PRH1: variants seen among roughly 807,000 people sequenced by gnomAD.
The protein encoded by PRH1 is salivary acidic proline-rich phosphoprotein 1/2.
In PRH1, 7 loss-of-function variants were observed where a neutral mutation model predicts 7.9. The observed-to-expected ratio is 0.89, with a 90% CI of 0.50 to 1.67. The LOEUF (loss-of-function observed/expected upper bound fraction) is 1.67. Among genes scored for constraint, PRH1 ranks in the 40% most tolerant of loss-of-function variants. The pLI is 0.00. For synonymous variants in PRH1, 45 were observed against 80.8 expected (o/e 0.56, Z 2.38); for missense variants, 109 against 223.6 (o/e 0.49, Z 3.27).
At chr12:11,096,367 T>A (rs1458422761) in intron 1 of PRH1, among the ~76,000 whole-genome samples, 1 of 116,542 alleles carries the variant, frequency 8.6e-6, no homozygotes, top group Non-Finnish European at 2.0e-5. Context: ...ACCCTTTTTT[T>A]TGTCTTATTG....
At chr12:10,919,849 A>AT (rs1280380022) in intron 2 of PRH1, among the ~76,000 whole-genome samples, 2 of 151,182 alleles carry the variant, frequency 1.3e-5, no homozygotes, top group African/African-American at 4.9e-5. Flanking sequence ...TTTTTTAATA[A>AT]TTTTTTTGAG....
At chr12:11,083,952 CCT>C (rs1944588158) in intron 1 of PRH1, among the ~76,000 whole-genome samples, 1 of 73,882 alleles carries the variant, frequency 1.4e-5, no homozygotes. Flanking sequence ...AATTAAGTTC[CCT>C]TCAAAGACTC....
intron 2 of PRH1, among the ~76,000 whole-genome samples, chr12:10,965,859 T>C (rs763615589): frequency 5.3e-5 from 8 of 152,212 alleles, no homozygotes; most frequent in Non-Finnish European, 1.2e-4. Flanking sequence ...TTATGCTAGA[T>C]TTAAATAGAC....
At chr12:10,950,770 TA>T (rs924404410) in intron 2 of PRH1, among the ~76,000 whole-genome samples, 1 of 151,838 alleles carries the variant, frequency 6.6e-6, no homozygotes, top group African/African-American at 2.4e-5. Flanking sequence ...AAGAACTCAT[TA>T]AAAAAGTGTT....
At position 11,086,123 on chromosome 12, in the gene PRH1, C is replaced by A. The variant is rs553406293; in HGVS notation, n.124-38935G>T. Among the ~76,000 whole-genome samples, 429 of 113,424 alleles carry A rather than the reference C, an allele frequency of 3.8e-3. 30 individuals are homozygous for A. The highest frequency in any genetic ancestry group is 0.023 in the Middle Eastern group (6 of 256). 74.4% of individuals were successfully genotyped at this position (113,424 alleles called of 152,430 possible). On this transcript the variant is annotated intron_variant and non_coding_transcript_variant, in intron 1 of 4. Transcript: ENST00000541977. ...ACACATTCCCCCCCCCACACACACA[C>A]CCCTCATGGTTGAGTAAATTATTGT... is the stretch of plus-strand genomic sequence containing the variant.
chr12:10,968,192 A>G (rs978480565), intron 2 of PRH1, among the ~76,000 whole-genome samples: 45 of 152,234 alleles, frequency 3.0e-4, no homozygotes, highest in African/African-American at 1.1e-3. Context: ...CTAAATGTTT[A>G]TTATAGTGTT....
At chr12:11,150,776 T>C (rs1027591288) in intron 1 of PRH1, among the ~76,000 whole-genome samples, 49 of 152,286 alleles carry the variant, frequency 3.2e-4, no homozygotes, top group African/African-American at 1.0e-3. Flanking sequence ...CATATGTAAC[T>C]TACCTGCACA....
upstream of PRH1, among the ~76,000 whole-genome samples, chr12:11,050,253 T>C (rs138270861): frequency 6.6e-6 from 1 of 152,324 alleles, no homozygotes; most frequent in Non-Finnish European, 1.5e-5. Context: ...GTGATAAGCA[T>C]TGTTTCTATA....
chr12:10,908,234 T>C (rs1427065321), intron 2 of PRH1: 1 of 611,844 alleles, frequency 1.6e-6, no homozygotes. Context: ...AAGATGCTAT[T>C]ATAGAGAAGA....
upstream of PRH1, among the ~76,000 whole-genome samples, chr12:10,886,089 CT>C: frequency 6.6e-6 from 1 of 152,154 alleles, no homozygotes; most frequent in South Asian, 2.1e-4. Flanking sequence ...AGTAGATCAG[CT>C]CTAGCTGGGC....
chr12:10,911,075 G>A (rs542304505), intron 2 of PRH1, among the ~76,000 whole-genome samples: 25 of 152,272 alleles, frequency 1.6e-4, no homozygotes, highest in Middle Eastern at 3.4e-3. Context: ...CTTTAAATAT[G>A]TAGCTATGTG....
At chr12:11,009,185 A>G (rs35941350) in intron 1 of PRH1, among the ~76,000 whole-genome samples, 46,109 of 151,500 alleles carry the variant, frequency 0.3, 8,864 homozygotes, top group East Asian at 0.74. Flanking sequence ...TTCTGTCTAT[A>G]AAAGTCTACT....
At chr12:10,981,365 A>ATTTT (rs528019045) in intron 1 of PRH1, among the ~76,000 whole-genome samples, 12 of 111,594 alleles carry the variant, frequency 1.1e-4, no homozygotes, top group African/African-American at 2.4e-4. Flanking sequence ...TTACTTCTGG[A>ATTTT]TTTTTTTTTT....
At chr12:11,058,135 CTGAGGAGG>C (rs1943441611) in intron 1 of PRH1, among the ~76,000 whole-genome samples, 1 of 152,078 alleles carries the variant, frequency 6.6e-6, no homozygotes, top group African/African-American at 2.4e-5. Flanking sequence ...GCTAGCAATG[CTGAGGAGG>C]GAGAATCAAC....
chr12:10,908,107 G>T (rs2135822070), intron 2 of PRH1: 1 of 346,798 alleles, frequency 2.9e-6, no homozygotes, highest in Non-Finnish European at 5.1e-6. Context: ...TAACATCTAA[G>T]TATGCTGTAG....
At chr12:10,918,891 T>C (rs1565470998) in intron 2 of PRH1, among the ~76,000 whole-genome samples, 4 of 152,174 alleles carry the variant, frequency 2.6e-5, no homozygotes, top group Non-Finnish European at 5.9e-5. Flanking sequence ...CTACTGTTTA[T>C]ATTGCAAATA....
At chr12:10,999,768 AAACTC>A (rs1249812503) in intron 1 of PRH1, among the ~76,000 whole-genome samples, 1 of 152,098 alleles carries the variant, frequency 6.6e-6, no homozygotes, top group African/African-American at 2.4e-5. Flanking sequence ...TCACAACCCT[AAACTC>A]CACAGCTTGG....
intron 1 of PRH1, among the ~76,000 whole-genome samples, chr12:11,103,327 G>A (rs1298791337): frequency 6.6e-6 from 1 of 152,080 alleles, no homozygotes; most frequent in East Asian, 1.9e-4. Flanking sequence ...AAGAAAATGT[G>A]GCACATATAC....
chr12:11,045,229 G>T (rs540754354), intron 1 of PRH1, among the ~76,000 whole-genome samples: 1 of 151,702 alleles, frequency 6.6e-6, no homozygotes, highest in African/African-American at 2.4e-5. Context: ...TGCACAGAAG[G>T]CATGGACATA....
Sources: gnomAD v4.1 joint callset for allele counts (sites outside exome capture counted in the v4.1 genomes callset) on GRCh38, gnomAD v4.1.1 for gene constraint, MANE v1.5 for transcripts, NCBI Gene and HGNC (gene_info 2026-07-23, HGNC 2026-07-21) for gene names.